GSTCD: variants seen among roughly 807,000 people sequenced by gnomAD.
GSTCD encodes the protein glutathione S-transferase C-terminal domain-containing protein.
GSTCD carries 44 observed loss-of-function variants against 68.3 expected under a neutral mutation model. The observed-to-expected ratio is 0.64, with a 90% CI of 0.51 to 0.83. The LOEUF is 0.83. GSTCD is among the 40% of genes least tolerant of loss of function. The probability of loss-of-function intolerance (pLI) is 0.00; values close to 1 mark genes in which losing one functional copy is unlikely to be tolerated. For missense variants in GSTCD, 739 were observed against 735.9 expected (o/e 1.00, Z -0.05); for synonymous variants, 273 against 255.2 (o/e 1.07, Z -0.67).
At chr4:105,831,373 G>T (rs550420163) in intron 8 of GSTCD, among the ~76,000 whole-genome samples, 1 of 152,112 alleles carries the variant, frequency 6.6e-6, no homozygotes, top group African/African-American at 2.4e-5. Flanking sequence ...AAGTTAATGT[G>T]GGGGCTGGGT....
intron 5 of GSTCD, among the ~76,000 whole-genome samples, chr4:105,740,911 C>T (rs1733612561): frequency 6.6e-6 from 1 of 151,302 alleles, no homozygotes; most frequent in Non-Finnish European, 1.5e-5. Context: ...CAACTTTTTA[C>T]CCCCTCACAT....
chr4:105,804,071 T>C (rs1290549573), intron 5 of GSTCD, among the ~76,000 whole-genome samples: 1 of 152,014 alleles, frequency 6.6e-6, no homozygotes, highest in Non-Finnish European at 1.5e-5. Flanking sequence ...TAGTTTAAAA[T>C]GTATTTCTAT....
chr4:105,710,435 G>A (rs1388813115), intron 1 of GSTCD, among the ~76,000 whole-genome samples: 1 of 147,154 alleles, frequency 6.8e-6, no homozygotes, highest in East Asian at 2.0e-4. Context: ...CACCATGTTG[G>A]CCAGGCTGGT....
chr4:105,761,944 G>A (rs1193148426), intron 5 of GSTCD: 2 of 152,176 alleles, frequency 1.3e-5, no homozygotes, highest in African/African-American at 4.8e-5. Context: ...TCTTCTCAGG[G>A]AGGGACTGGA....
chr4:105,718,125 A>T (rs1209586019), intron 2 of GSTCD, 86 bp downstream of exon 2: 1 of 1,055,352 alleles, frequency 9.5e-7, no homozygotes, highest in Non-Finnish European at 1.3e-6. Context: ...ACTTCCTATT[A>T]GGAATAAAAG....
At position 105,847,509 on chromosome 4, in the gene GSTCD, G is replaced by T. The variant is rs981671579; in HGVS notation, c.*1932G>T. 1 of 152,090 alleles carries T rather than the reference G, an allele frequency of 6.6e-6. No homozygotes were observed. Among genetic ancestry groups the T allele is most frequent in the South Asian group, 2.1e-4 (1 of 4,820 alleles). The allele number at this position is 152,090 out of a possible 1,614,324, so 9.4% of individuals were successfully genotyped here. ...ATTCATTTGAGATGTTTTGACAACT[G>T]TATATATACATGTAACCATCACTGG... On this transcript the variant is annotated 3_prime_UTR_variant, in exon 12 of 12. Coordinates refer to ENST00000515279, the MANE Select transcript of GSTCD (RefSeq NM_001370181.1).
chr4:105,751,820 C>G (rs1053084246), intron 5 of GSTCD, among the ~76,000 whole-genome samples: 5 of 152,064 alleles, frequency 3.3e-5, no homozygotes, highest in East Asian at 1.9e-4. Context: ...TAACTGAAAA[C>G]TGAAACTAAG....
chr4:105,766,091 A>G (rs1734595257), intron 5 of GSTCD, among the ~76,000 whole-genome samples: 1 of 152,218 alleles, frequency 6.6e-6, no homozygotes, highest in South Asian at 2.1e-4. Context: ...TACTTCAAAC[A>G]GGGATAATTT....
chr4:105,748,696 C>G (rs1733896574), intron 5 of GSTCD, among the ~76,000 whole-genome samples: 1 of 151,664 alleles, frequency 6.6e-6, no homozygotes, highest in Non-Finnish European at 1.5e-5. Context: ...TAGTGTATAT[C>G]AGTATAGAAA....
chr4:105,761,186 T>C (rs181727624), intron 5 of GSTCD: 268 of 179,770 alleles, frequency 1.5e-3, no homozygotes, highest in African/African-American at 6.1e-3. Context: ...GTATTTTTAG[T>C]AAATATGAAG....
chr4:105,770,612 A>C (rs1018097138), intron 5 of GSTCD, among the ~76,000 whole-genome samples: 2 of 152,120 alleles, frequency 1.3e-5, no homozygotes, highest in Non-Finnish European at 2.9e-5. Flanking sequence ...TATGAGTGAG[A>C]ATATGCAGTG....
Position 105,846,524 on chromosome 4 carries a change from A to G in GSTCD, c.*947A>G, listed in dbSNP as rs539627858. ...ATAAGTACATTGATTAATACATTTAAGTTTATAAGTAATTATTGAGGATCC... is the reference window on the plus strand; with the variant it reads ...ATAAGTACATTGATTAATACATTTAGGTTTATAAGTAATTATTGAGGATCC... On this transcript the variant is annotated 3_prime_UTR_variant, in exon 12 of 12. Coordinates refer to ENST00000515279, the MANE Select transcript of GSTCD (RefSeq NM_001370181.1). 6.6e-6 allele frequency: 1 copy of G among 152,224 alleles called. No homozygotes were observed. Among genetic ancestry groups the G allele is most frequent in the South Asian group, 2.1e-4 (1 of 4,830 alleles). 9.4% of individuals were successfully genotyped at this position (152,224 alleles called of 1,614,324 possible).
intron 5 of GSTCD, among the ~76,000 whole-genome samples, chr4:105,738,199 A>G (rs1271184117): frequency 6.6e-6 from 1 of 152,222 alleles, no homozygotes; most frequent in Non-Finnish European, 1.5e-5. Flanking sequence ...AAATGGTCAA[A>G]GACAAGTGGA....
chr4:105,754,033 T>C (rs1238324308), intron 5 of GSTCD, among the ~76,000 whole-genome samples: 1 of 152,086 alleles, frequency 6.6e-6, no homozygotes, highest in African/African-American at 2.4e-5. Flanking sequence ...TCCCTGTTTT[T>C]CTGCTAATGG....
At chr4:105,784,645 T>C (rs1390110865) in intron 5 of GSTCD, among the ~76,000 whole-genome samples, 2 of 152,244 alleles carry the variant, frequency 1.3e-5, no homozygotes, top group Non-Finnish European at 2.9e-5. Context: ...GCACCCATAA[T>C]TTATTCTACA....
At chr4:105,753,892 T>C in intron 5 of GSTCD, among the ~76,000 whole-genome samples, 1 of 152,116 alleles carries the variant, frequency 6.6e-6, no homozygotes, top group Non-Finnish European at 1.5e-5. Flanking sequence ...TTTCCAGACT[T>C]CTTTTAAATA....
At chr4:105,778,402 A>G (rs1735154105) in intron 5 of GSTCD, among the ~76,000 whole-genome samples, 1 of 152,160 alleles carries the variant, frequency 6.6e-6, no homozygotes, top group East Asian at 1.9e-4. Context: ...CATTTCCTTA[A>G]TATTTTTGTT....
intron 5 of GSTCD, among the ~76,000 whole-genome samples, chr4:105,766,660 T>C (rs1734619838): frequency 6.6e-6 from 1 of 152,160 alleles, no homozygotes; most frequent in Admixed American, 6.5e-5. Flanking sequence ...TTTTAGGCTT[T>C]TAGAATATGC....
At chr4:105,845,296 T>C (rs1355433908) in intron 11 of GSTCD, 145 bp from the exon 12 acceptor site, 2 of 717,704 alleles carry the variant, frequency 2.8e-6, no homozygotes, top group Non-Finnish European at 2.2e-6. Flanking sequence ...AAGAAGTAAA[T>C]TGAAAGAAAC....
Sources: allele counts gnomAD v4.1 joint callset (sites outside exome capture counted in the v4.1 genomes callset), GRCh38; gene constraint gnomAD v4.1.1; transcripts MANE v1.5; gene names NCBI Gene and HGNC (gene_info 2026-07-23, HGNC 2026-07-21).